The following WDR7 variants were observed in gnomAD, a reference collection of about 807,000 sequenced individuals.
The protein encoded by WDR7 is WD repeat-containing protein 7.
A neutral mutation model predicts 169.4 loss-of-function variants in WDR7; 46 were observed. The observed-to-expected ratio is 0.27, with a 90% confidence interval of 0.21 to 0.35. The LOEUF (loss-of-function observed/expected upper bound fraction) is 0.35, where lower values mean the gene tolerates loss of function less well. WDR7 is among the 10% of genes least tolerant of loss of function. WDR7 has a pLI of 1.00. For synonymous variants in WDR7, 612 were observed against 666.8 expected (o/e 0.92, Z 1.27); for missense variants, 1,534 against 1,859.3 (o/e 0.83, Z 3.22).
At chr18:56,896,915 G>A (rs763189880) in intron 21 of WDR7, among the ~76,000 whole-genome samples, 3 of 151,674 alleles carry the variant, frequency 2.0e-5, no homozygotes, top group Non-Finnish European at 4.4e-5. Context: ...AAAAGTGATT[G>A]TAACATAGGT....
chr18:56,873,898 G>A (rs2045986917), intron 20 of WDR7: 1 of 152,186 alleles, frequency 6.6e-6, no homozygotes, highest in South Asian at 2.1e-4. Context: ...ATGGAGCTGC[G>A]ATCATTCATT....
intron 12 of WDR7, among the ~76,000 whole-genome samples, chr18:56,711,384 T>C (rs1401568658): frequency 6.6e-6 from 1 of 152,084 alleles, no homozygotes; most frequent in African/African-American, 2.4e-5. Context: ...AAATATCTGC[T>C]CCTCTCTAAG....
At chr18:56,967,189 G>GATACCAAAATCCA (rs2047421654) in intron 26 of WDR7, among the ~76,000 whole-genome samples, 12 of 151,718 alleles carry the variant, frequency 7.9e-5, no homozygotes, top group African/African-American at 2.7e-4. Context: ...GAGCGCTTGG[G>GATACCAAAATCCA]TGGAAAAGTT....
Position 57,009,663 on chromosome 18 carries a change from T to C in WDR7, c.4165-11082T>C, listed in dbSNP as rs140243737. Among the ~76,000 whole-genome samples, 43 of 152,366 alleles carry C rather than the reference T, an allele frequency of 2.8e-4. 1 individual carries two copies. Among genetic ancestry groups the C allele is most frequent in the African/African-American group, 9.4e-4 (39 of 41,592 alleles). On this transcript the variant is annotated intron_variant, in intron 26 of 27. Transcript: ENST00000254442. ...AATAAACATGAATCCAAAGGTATGG[T>C]AATGTTGGTTAATATATGTATGAAT...
chr18:56,969,245 A>G (rs1290748795), intron 26 of WDR7, among the ~76,000 whole-genome samples: 2 of 152,178 alleles, frequency 1.3e-5, no homozygotes, highest in African/African-American at 4.8e-5. Flanking sequence ...TCACCTGTCC[A>G]TATCCAGTTA....
Position 56,829,120 on chromosome 18 carries a change from C to CAAA in WDR7, c.3304+12992_3304+12994dup, listed in dbSNP as rs34184203. Among the ~76,000 whole-genome samples, 86 of 109,294 alleles carry CAAA rather than the reference C, an allele frequency of 7.9e-4. 2 individuals carry two copies. Among genetic ancestry groups the CAAA allele is most frequent in the African/African-American group, 3.1e-4 (9 of 29,452 alleles). The allele number at this position is 109,294 out of a possible 152,430, so 71.7% of individuals were successfully genotyped here. A position where few individuals can be genotyped will look rare whatever the true frequency, so the allele number is the denominator to read the frequency against. On this transcript the variant is annotated intron_variant, in intron 20 of 27. Coordinates refer to ENST00000254442, the MANE Select transcript of WDR7 (RefSeq NM_015285.3). Reference sequence around the variant, plus strand: ...GCAACATAGTGAAACTTCACCTCTCCAAAAAAAAAAAAAAAAAATTTAGCT... The same window carrying CAAA: ...GCAACATAGTGAAACTTCACCTCTCCAAAAAAAAAAAAAAAAAAAAATTTAGCT...
rs146271540 is a variant in WDR7, at chr18:56,917,699, C to T, written c.3527-6223C>T. ...CATCTTGCTGGAGCAACAAGTTACC[C>T]ATAGTATAATACTGTCATCTATTTA... On this transcript the variant is annotated intron_variant, in intron 21 of 27. Coordinates refer to ENST00000254442, the MANE Select transcript of WDR7 (RefSeq NM_015285.3). Among the ~76,000 whole-genome samples, 338 of 152,264 alleles carry T rather than the reference C, an allele frequency of 2.2e-3. 2 individuals carry two copies. The highest frequency in any genetic ancestry group is 3.9e-3 in the Admixed American group (59 of 15,276).
intron 19 of WDR7, among the ~76,000 whole-genome samples, chr18:56,789,888 G>C (rs1212970134): frequency 6.6e-6 from 1 of 152,152 alleles, no homozygotes; most frequent in Non-Finnish European, 1.5e-5. Flanking sequence ...TTTTATAAAA[G>C]AAAACACTCA....
chr18:56,681,790 G>C (rs2025355221), intron 4 of WDR7, among the ~76,000 whole-genome samples: 1 of 152,092 alleles, frequency 6.6e-6, no homozygotes, highest in Non-Finnish European at 1.5e-5. Flanking sequence ...CTTTTTTATT[G>C]CTCATGCAGT....
chr18:56,967,734 C>T (rs558224540), intron 26 of WDR7, among the ~76,000 whole-genome samples: 4 of 152,308 alleles, frequency 2.6e-5, no homozygotes, highest in Admixed American at 2.6e-4. Flanking sequence ...AGGGAATTGG[C>T]TCTAGGCCAC....
chr18:56,774,637 G>A (rs1376897317), intron 16 of WDR7, among the ~76,000 whole-genome samples: 1 of 151,988 alleles, frequency 6.6e-6, no homozygotes, highest in Non-Finnish European at 1.5e-5. Flanking sequence ...TTTTATCTTG[G>A]AAGTAATTTT....
intron 21 of WDR7, among the ~76,000 whole-genome samples, chr18:56,905,967 TGAAAG>T (rs2046470911): frequency 6.6e-6 from 1 of 152,170 alleles, no homozygotes; most frequent in African/African-American, 2.4e-5. Context: ...AAATGGTTGA[TGAAAG>T]GAAATTCTTC....
intron 26 of WDR7, among the ~76,000 whole-genome samples, chr18:56,970,730 G>A (rs1355691387): frequency 2.0e-5 from 3 of 152,102 alleles, no homozygotes; most frequent in Non-Finnish European, 4.4e-5. Flanking sequence ...CTATGGGTGT[G>A]GGCAAATATA....
intron 20 of WDR7, among the ~76,000 whole-genome samples, chr18:56,827,462 C>T (rs139462195): frequency 1.8e-3 from 271 of 152,052 alleles, no homozygotes; most frequent in African/African-American, 6.1e-3. Flanking sequence ...AGACAAATGT[C>T]GCCTGTTCTC....
At chr18:56,713,223 A>G in intron 12 of WDR7, among the ~76,000 whole-genome samples, 1 of 152,184 alleles carries the variant, frequency 6.6e-6, no homozygotes, top group East Asian at 1.9e-4. Context: ...TGAAATTTGT[A>G]TTTACATCCA....
intron 26 of WDR7, among the ~76,000 whole-genome samples, chr18:57,007,134 A>C (rs545764500): frequency 1.6e-4 from 25 of 151,934 alleles, no homozygotes; most frequent in Non-Finnish European, 2.9e-4. Flanking sequence ...CGCCCGCCAC[A>C]ACACCCAGCT....
intron 19 of WDR7, among the ~76,000 whole-genome samples, chr18:56,783,030 T>C (rs1335696215): frequency 2.0e-5 from 3 of 152,184 alleles, no homozygotes; most frequent in Non-Finnish European, 4.4e-5. Flanking sequence ...ATTTCACTTA[T>C]AGCCGAAGTA....
At chr18:56,826,070 T>G (rs1027359474) in intron 20 of WDR7, among the ~76,000 whole-genome samples, 1 of 152,168 alleles carries the variant, frequency 6.6e-6, no homozygotes, top group Non-Finnish European at 1.5e-5. Context: ...GGAGGGCAGG[T>G]GGGTGGTAGA....
intron 19 of WDR7, among the ~76,000 whole-genome samples, chr18:56,805,728 C>T (rs946591894): frequency 1.4e-4 from 22 of 151,926 alleles, no homozygotes; most frequent in Admixed American, 6.6e-4. Context: ...GTCACTTGCC[C>T]TAGCAACCTT....
Sources: gnomAD v4.1 joint callset for allele counts (sites outside exome capture counted in the v4.1 genomes callset) on GRCh38, gnomAD v4.1.1 for gene constraint, MANE v1.5 for transcripts, NCBI Gene and HGNC (gene_info 2026-07-23, HGNC 2026-07-21) for gene names.